Variants in ARMH3 observed in about 807,000 individuals in gnomAD.
The protein encoded by ARMH3 is armadillo like helical domain containing 3, also known as armadillo-like helical domain-containing protein 3.
In ARMH3, 60 loss-of-function variants were observed where a neutral mutation model predicts 99.1. The observed-to-expected ratio is 0.61, with a 90% CI of 0.49 to 0.75. ARMH3 has a LOEUF of 0.75. Among genes scored for constraint, ARMH3 ranks in the 30% least tolerant of loss-of-function variants. The pLI is 0.00. For missense variants in ARMH3, 679 were observed against 843.1 expected (o/e 0.81, Z 2.41); for synonymous variants, 285 against 292.8 (o/e 0.97, Z 0.27).
chr10:101,849,856 T>C lies in ARMH3; in HGVS notation c.1897A>G (p.Thr633Ala). The change falls in exon 25 of 26, where the codon ACG (threonine) becomes GCG (alanine). Residue 633 changes from threonine (T) to alanine (A), a missense_variant. Thr to Ala is a moderately conservative substitution (Grantham distance 58). This residue lies in a region of ARMH3 where 389 missense variants were observed against 456.5 expected (regional missense o/e 0.85). Transcript: ENST00000370033. ...TCCAGGCCATCCTGCAGCTTCAGCGTGAGCGTGTCATAGTTGGCTCTCACC... is the reference window on the plus strand; with the variant it reads ...TCCAGGCCATCCTGCAGCTTCAGCGCGAGCGTGTCATAGTTGGCTCTCACC... ...EVVRANYDTLTLKLQDGLDQY... is the reference protein window; with the variant it reads ...EVVRANYDTLALKLQDGLDQY... 2 of 1,614,156 alleles carry C rather than the reference T, an allele frequency of 1.2e-6. No homozygotes were observed. The highest frequency in any genetic ancestry group is 1.7e-6 in the Non-Finnish European group (2 of 1,180,034).
intron 2 of ARMH3, among the ~76,000 whole-genome samples, chr10:102,039,638 T>C (rs1054685030): frequency 6.6e-5 from 10 of 152,298 alleles, no homozygotes; most frequent in South Asian, 2.1e-4. Flanking sequence ...ATCTGAATTA[T>C]AGAATTCTAG....
At chr10:101,858,606 C>T (rs2066788047) in intron 24 of ARMH3, among the ~76,000 whole-genome samples, 1 of 152,174 alleles carries the variant, frequency 6.6e-6, no homozygotes. Flanking sequence ...AAAAATTCCT[C>T]TCATCTGTCC....
intron 8 of ARMH3, among the ~76,000 whole-genome samples, chr10:102,018,489 G>T (rs2066800919): frequency 6.6e-6 from 1 of 152,128 alleles, no homozygotes; most frequent in Non-Finnish European, 1.5e-5. Flanking sequence ...GGTCCATAAT[G>T]GACTGCATAT....
chr10:101,985,070 A>AAT lies in ARMH3; in HGVS notation c.1406+5479_1406+5480dup, dbSNP rs1169382085. Among the ~76,000 whole-genome samples the AAT allele has an allele frequency of 2.5e-3, 339 of 135,596 alleles. 1 individual carries two copies. Among genetic ancestry groups the AAT allele is most frequent in the African/African-American group, 8.5e-3 (298 of 35,062 alleles). The allele number at this position is 135,596 out of a possible 152,430, so 89.0% of individuals were successfully genotyped here. A position where few individuals can be genotyped will look rare whatever the true frequency, so the allele number is the denominator to read the frequency against. ...GCAACAGAAAGAGACTCCATCTAAA[A>AAT]ATATATATACACACACACACACACA... On this transcript the variant is annotated intron_variant, in intron 19 of 25. Transcript: ENST00000370033.
At chr10:101,875,481 T>C (rs780205614) in intron 24 of ARMH3, among the ~76,000 whole-genome samples, 9 of 152,214 alleles carry the variant, frequency 5.9e-5, no homozygotes, top group Non-Finnish European at 1.2e-4. Flanking sequence ...CTTCCCTGTA[T>C]ACAGCCACCC....
intron 2 of ARMH3, among the ~76,000 whole-genome samples, chr10:102,036,085 G>A (rs546440013): frequency 3.4e-5 from 5 of 148,538 alleles, no homozygotes; most frequent in South Asian, 2.1e-4. Flanking sequence ...GAGCACCTCC[G>A]CCCGGCAGCC....
intron 16 of ARMH3, among the ~76,000 whole-genome samples, chr10:101,994,769 G>T (rs1288266512): frequency 6.6e-6 from 1 of 152,148 alleles, no homozygotes; most frequent in Non-Finnish European, 1.5e-5. Flanking sequence ...GAGCATGGTG[G>T]CTCACGCCTG....
At chr10:102,026,249 TG>T (rs1243631000) in intron 5 of ARMH3, among the ~76,000 whole-genome samples, 1 of 152,210 alleles carries the variant, frequency 6.6e-6, no homozygotes, top group Non-Finnish European at 1.5e-5. Flanking sequence ...TTAAGCATGC[TG>T]GAAGGCCAAG....
intron 18 of ARMH3, among the ~76,000 whole-genome samples, chr10:101,991,685 A>G (rs931395576): frequency 8.5e-5 from 13 of 152,114 alleles, no homozygotes; most frequent in African/African-American, 3.1e-4. Flanking sequence ...CCAGCCTGAA[A>G]TCTTGATCAT....
intron 22 of ARMH3, among the ~76,000 whole-genome samples, chr10:101,948,908 A>T (rs1844669317): frequency 2.0e-5 from 3 of 152,198 alleles, no homozygotes; most frequent in Admixed American, 2.0e-4. Flanking sequence ...TGGCCAAAAC[A>T]AAACTAAACT....
At chr10:101,917,043 T>C (rs1000894115) in intron 23 of ARMH3, among the ~76,000 whole-genome samples, 5 of 152,244 alleles carry the variant, frequency 3.3e-5, no homozygotes, top group African/African-American at 7.2e-5. Context: ...GTGAAACAAC[T>C]TGGCCTCCAT....
intron 20 of ARMH3, among the ~76,000 whole-genome samples, chr10:101,969,044 G>C (rs776274538): frequency 6.6e-6 from 1 of 152,176 alleles, no homozygotes; most frequent in African/African-American, 2.4e-5. Flanking sequence ...GCCTAAATCA[G>C]AGAAAATTTA....
At chr10:102,053,653 T>C (rs557982844) in intron 1 of ARMH3, among the ~76,000 whole-genome samples, 2 of 151,996 alleles carry the variant, frequency 1.3e-5, no homozygotes, top group Non-Finnish European at 2.9e-5. Flanking sequence ...CCCATTACAC[T>C]GTATAAATTT....
At chr10:102,047,432 G>A (rs929391141) in intron 1 of ARMH3, among the ~76,000 whole-genome samples, 2 of 151,764 alleles carry the variant, frequency 1.3e-5, no homozygotes, top group East Asian at 1.9e-4. Context: ...ATCTCCTGGG[G>A]TGCCTCCTAA....
At chr10:101,997,739 T>C (rs980428736) in intron 15 of ARMH3, among the ~76,000 whole-genome samples, 6 of 152,156 alleles carry the variant, frequency 3.9e-5, no homozygotes, top group Non-Finnish European at 7.3e-5. Context: ...TTATAAGTTA[T>C]GCTATTTATT....
Position 102,009,972 on chromosome 10 carries a change from C to G in ARMH3, c.878+5G>C. ...AGTCACTGCACAAGAATGTCAGGCACTTACTGTACTGAGATTTTCTCATGG... is the reference window on the plus strand; with the variant it reads ...AGTCACTGCACAAGAATGTCAGGCAGTTACTGTACTGAGATTTTCTCATGG... On this transcript the variant is annotated splice_donor_5th_base_variant and intron_variant, in intron 12 of 25. Coordinates refer to ENST00000370033, the MANE Select transcript of ARMH3 (RefSeq NM_024541.3). 1 of 1,613,628 alleles carries G rather than the reference C, an allele frequency of 6.2e-7. No individual in the cohort carries two copies. Among genetic ancestry groups the G allele is most frequent in the Non-Finnish European group, 8.5e-7 (1 of 1,179,606 alleles).
chr10:101,852,403 TA>T (rs2066623696), intron 24 of ARMH3, among the ~76,000 whole-genome samples: 1 of 152,230 alleles, frequency 6.6e-6, no homozygotes, highest in African/African-American at 2.4e-5. Context: ...TGGTTTAGTT[TA>T]GTTTGTTACA....
intron 22 of ARMH3, among the ~76,000 whole-genome samples, chr10:101,955,868 C>A (rs1351808540): frequency 6.6e-6 from 1 of 152,126 alleles, no homozygotes; most frequent in Non-Finnish European, 1.5e-5. Flanking sequence ...TATGTCAAGA[C>A]TTATTAAAAT....
intron 8 of ARMH3, 96 bp from the exon 9 acceptor site, chr10:102,014,120 C>A (rs1291069236): frequency 1.1e-6 from 1 of 913,424 alleles, no homozygotes; most frequent in Non-Finnish European, 1.7e-6. Flanking sequence ...TTCCATAAGG[C>A]CCTCTCTCTA....
Sources: gnomAD v4.1 joint callset for allele counts (sites outside exome capture counted in the v4.1 genomes callset) on GRCh38, gnomAD v4.1.1 for gene constraint, gnomAD v4.1.1 regional missense constraint, MANE v1.5 for transcripts, NCBI Gene and HGNC (gene_info 2026-07-23, HGNC 2026-07-21) for gene names.